ZNF304: variants seen among roughly 807,000 people sequenced by gnomAD.
ZNF304 encodes zinc finger protein 304.
In ZNF304, 7 loss-of-function variants were observed where a neutral mutation model predicts 7.8. That is an observed-to-expected ratio of 0.90 (90% CI 0.51 to 1.69). The LOEUF is 1.69. ZNF304 is among the 40% of genes most tolerant of loss of function. The probability of loss-of-function intolerance (pLI) is 0.00; values close to 1 mark genes in which losing one functional copy is unlikely to be tolerated. For missense variants in ZNF304, 669 were observed against 804.8 expected (o/e 0.83, Z 2.04); for synonymous variants, 280 against 272.4 (o/e 1.03, Z -0.27).
At position 57,353,770 on chromosome 19, in the gene ZNF304, G is replaced by A; in HGVS notation, c.79G>A (p.Glu27Lys). 1.2e-6 allele frequency: 2 copies of A among 1,613,772 alleles called. No individual in the cohort carries two copies. The highest frequency in any genetic ancestry group is 1.7e-6 in the Non-Finnish European group (2 of 1,179,830). Residue 27 changes from glutamate (E) to lysine (K), a missense_variant, in exon 2 of 3, where the codon GAG becomes AAG. Coordinates refer to ENST00000282286, the MANE Select transcript of ZNF304 (RefSeq NM_020657.4). ...EDVFVYFSRE[E>K]WELLEEAQRF... The stretch of plus-strand genomic sequence containing the variant: ...TGTGTTCGTGTACTTCTCTCGGGAG[G>A]AGTGGGAACTCCTTGAGGAGGCACA...
Position 57,357,123 on chromosome 19 carries a change from C to A in ZNF304, c.1254C>A (p.Pro418=), listed in dbSNP as rs751314121. 6.2e-7 allele frequency: 1 copy of A among 1,612,738 alleles called. No homozygotes were observed. The highest frequency in any genetic ancestry group is 8.5e-7 in the Non-Finnish European group (1 of 1,179,352). The change falls in exon 3 of 3, where the codon CCC becomes CCA. Residue 418 remains proline (P), a synonymous_variant. Coordinates refer to ENST00000282286, the MANE Select transcript of ZNF304 (RefSeq NM_020657.4). ...GGAGAATTCATACCGGGGCAAGGCC[C>A]TATGAATGCATAGAATGTGGAAAAT... ...EHWRIHTGAR[P]YECIECGKFF...
rs764821717 is a variant in ZNF304 at position 57,351,748 on chromosome 19, G to C, written c.33+51G>C. ...ACCCCGGCCTGGTTGGTGTGTCCTG[G>C]GATGTTCGCTCTCATCGCGCACTTC... On this transcript the variant is annotated intron_variant, in intron 1 of 2. Coordinates refer to ENST00000282286, the MANE Select transcript of ZNF304 (RefSeq NM_020657.4). This position sits in a 1 kb window ranked among gnomAD's most constrained non-coding sequence, Gnocchi z 4.1. The C allele has an allele frequency of 3.2e-6, 5 of 1,566,698 alleles. No individual in the cohort carries two copies. In the South Asian group the frequency reaches 5.8e-5, roughly 18 times the overall value.
In ZNF304 at chr19:57,351,782, C is replaced by A; in HGVS notation, c.33+85C>A. ...CTCTCATCGCGCACTTCAGGGTGCT[C>A]ACTCCGTCGCATTATGTGGAGGGGT... On this transcript the variant is annotated intron_variant, in intron 1 of 2. Coordinates refer to ENST00000282286, the MANE Select transcript of ZNF304 (RefSeq NM_020657.4). The surrounding 1 kb of genome is among the most constrained non-coding windows in gnomAD (Gnocchi z 4.1). The A allele has an allele frequency of 7.0e-7, 1 of 1,432,356 alleles. No homozygotes were observed. The highest frequency in any genetic ancestry group is 1.3e-5 in the South Asian group (1 of 76,912). The allele number at this position is 1,432,356 out of a possible 1,614,324, so 88.7% of individuals were successfully genotyped here.
chr19:57,357,939 C>G lies in ZNF304; in HGVS notation c.*90C>G, dbSNP rs2088370081. Reference sequence around the variant, plus strand: ...TCATAGGACTCACACCAGAGCAATGCTCTGTGAGTACCCTTTGTGAGGGAA... The same window carrying G: ...TCATAGGACTCACACCAGAGCAATGGTCTGTGAGTACCCTTTGTGAGGGAA... On this transcript the variant is annotated 3_prime_UTR_variant, in exon 3 of 3. Transcript: ENST00000282286. 12 of 1,465,376 alleles carry G rather than the reference C, an allele frequency of 8.2e-6. No individual in the cohort carries two copies. Among genetic ancestry groups the G allele is most frequent in the Non-Finnish European group, 1.1e-5 (12 of 1,093,486 alleles). 90.8% of individuals were successfully genotyped at this position (1,465,376 alleles called of 1,614,324 possible).
In ZNF304 at chr19:57,357,259, C is replaced by T. The variant is rs2088356879; in HGVS notation, c.1390C>T (p.Gln464Ter). Residue 464 changes from glutamine (Q) to a stop codon, truncating the protein, a stop_gained, in exon 3 of 3, where the codon CAG becomes TAG. Coordinates refer to ENST00000282286, the MANE Select transcript of ZNF304 (RefSeq NM_020657.4). LOFTEE classifies it low-confidence loss of function (END_TRUNC). ...KAFGCKDTLV[Q>*]HQIIHTGARP... ...CTTTGGCTGCAAAGACACACTTGTTCAGCACCAGATAATTCACACTGGAGC... is the reference window on the plus strand; with the variant it reads ...CTTTGGCTGCAAAGACACACTTGTTTAGCACCAGATAATTCACACTGGAGC... 3 of 1,613,992 alleles carry T rather than the reference C, an allele frequency of 1.9e-6. No homozygotes were observed. Among genetic ancestry groups the T allele is most frequent in the Non-Finnish European group, 2.5e-6 (3 of 1,180,030 alleles).
In ZNF304 at chr19:57,356,363, G is replaced by T. The variant is rs1221701026; in HGVS notation, c.494G>T (p.Arg165Ile). ...AGCTGTACAGTCCACATGTTAGGGA[G>T]ATCCTTTACGTGCAGGGAGGAAGGG... Reference protein sequence around the residue: ...VKSCTVHMLGRSFTCREEGMD... With the variant: ...VKSCTVHMLGISFTCREEGMD... Residue 165 changes from arginine to isoleucine, a missense_variant, in exon 3 of 3, where the codon AGA (arginine) becomes ATA (isoleucine). Physicochemically the swap from Arg to Ile is moderately conservative, Grantham distance 97. Coordinates refer to ENST00000282286, the MANE Select transcript of ZNF304 (RefSeq NM_020657.4). The T allele has an allele frequency of 1.9e-6, 3 of 1,614,104 alleles. No individual in the cohort carries two copies. Among genetic ancestry groups the T allele is most frequent in the Non-Finnish European group, 2.5e-6 (3 of 1,180,036 alleles).
In ZNF304 at chr19:57,351,890, G is replaced by C. The variant is rs889683046; in HGVS notation, c.33+193G>C. The C allele has an allele frequency of 5.2e-6, 3 of 578,600 alleles. No individual in the cohort carries two copies. The highest frequency in any genetic ancestry group is 8.9e-6 in the Non-Finnish European group (3 of 337,040). The allele number at this position is 578,600 out of a possible 1,614,324, so 35.8% of individuals were successfully genotyped here. On this transcript the variant is annotated intron_variant, in intron 1 of 2. Transcript: ENST00000282286. The surrounding 1 kb of genome is among the most constrained non-coding windows in gnomAD (Gnocchi z 4.1). ...TTCGTACAAATGCATGCATGGAGAGGAGAATGAGTTTGGGGAGTTCCGGGA... is the reference window on the plus strand; with the variant it reads ...TTCGTACAAATGCATGCATGGAGAGCAGAATGAGTTTGGGGAGTTCCGGGA...
chr19:57,354,143 G>A (rs2088308639), intron 2 of ZNF304, among the ~76,000 whole-genome samples: 1 of 151,996 alleles, frequency 6.6e-6, no homozygotes, highest in Admixed American at 6.5e-5. Flanking sequence ...CTGAGTAGCT[G>A]GGACTATAGG....
chr19:57,358,028 A>G lies in ZNF304; in HGVS notation c.*179A>G, dbSNP rs188064555. The G allele has an allele frequency of 2.7e-6, 2 of 732,430 alleles. No homozygotes were observed. The highest frequency in any genetic ancestry group is 2.7e-5 in the East Asian group (1 of 36,800). 45.4% of individuals were successfully genotyped at this position (732,430 alleles called of 1,614,324 possible). A position where few individuals can be genotyped will look rare whatever the true frequency, so the allele number is the denominator to read the frequency against. ...CCTGGGGAGATTCCTGATAAGCACC[A>G]CATATGTGGGAGGCTTTCATGAGGT... On this transcript the variant is annotated 3_prime_UTR_variant, in exon 3 of 3. Coordinates refer to ENST00000282286, the MANE Select transcript of ZNF304 (RefSeq NM_020657.4).
At chr19:57,354,035 GTC>G (rs2088307402) in intron 2 of ZNF304, among the ~76,000 whole-genome samples, 184 bp downstream of exon 2, 1 of 151,212 alleles carries the variant, frequency 6.6e-6, no homozygotes, top group African/African-American at 2.4e-5. Context: ...TTTTCAGAGA[GTC>G]TTACTCTGTC....
In ZNF304 at chr19:57,358,004, C is replaced by A; in HGVS notation, c.*155C>A. ...ATGAGCACCGTATATTCATTCCACC[C>A]TGGGGAGATTCCTGATAAGCACCAC... On this transcript the variant is annotated 3_prime_UTR_variant, in exon 3 of 3. Transcript: ENST00000282286. The A allele has an allele frequency of 1.1e-6, 1 of 930,442 alleles. No homozygotes were observed. The highest frequency in any genetic ancestry group is 1.6e-6 in the Non-Finnish European group (1 of 630,958). The allele number at this position is 930,442 out of a possible 1,614,324, so 57.6% of individuals were successfully genotyped here.
At position 57,356,533 on chromosome 19, in the gene ZNF304, C is replaced by G. The variant is rs764291028; in HGVS notation, c.664C>G (p.Leu222Val). 1 of 1,614,202 alleles carries G rather than the reference C, an allele frequency of 6.2e-7. No individual in the cohort carries two copies. The highest frequency in any genetic ancestry group is 8.5e-7 in the Non-Finnish European group (1 of 1,180,030). Residue 222 changes from leucine to valine, a missense_variant, in exon 3 of 3, where the codon CTT becomes GTT. Physicochemically the swap from Leu to Val is conservative, Grantham distance 32 (BLOSUM62 1). Coordinates refer to ENST00000282286, the MANE Select transcript of ZNF304 (RefSeq NM_020657.4). ...CCAAGGAGACTATGATGGACAGATG[C>G]TTTTCAGTTGCGGTGATGAAGGGAA... ...QHQGDYDGQM[L>V]FSCGDEGKAF...
chr19:57,353,352 G>A (rs1403674617), intron 1 of ZNF304, among the ~76,000 whole-genome samples: 2 of 152,158 alleles, frequency 1.3e-5, no homozygotes, highest in East Asian at 3.9e-4. Flanking sequence ...GTGAACTGAT[G>A]CCCTTAAGAC....
rs1380538685 is a variant in ZNF304 at position 57,356,614 on chromosome 19, A to G, written c.745A>G (p.Arg249Gly). 1 of 1,614,110 alleles carries G rather than the reference A, an allele frequency of 6.2e-7. No homozygotes were observed. Among genetic ancestry groups the G allele is most frequent in the African/African-American group, 1.3e-5 (1 of 74,942 alleles). ...LDSQMTHAEV[R>G]PFRCLPCGNV... The stretch of plus-strand genomic sequence containing the variant: ...CAGCCAGATGACTCATGCTGAGGTG[A>G]GACCCTTCAGATGCCTACCATGTGG... Residue 249 changes from arginine to glycine, a missense_variant, in exon 3 of 3, where the codon AGA becomes GGA. Arg to Gly is a moderately radical substitution (Grantham distance 125). Transcript: ENST00000282286.
At chr19:57,355,890 C>A in intron 2 of ZNF304, 140 bp from the exon 3 acceptor site, 3 of 942,752 alleles carry the variant, frequency 3.2e-6, no homozygotes, top group Non-Finnish European at 4.8e-6. Context: ...GACAACCAGC[C>A]CTTCTTTACA....
In ZNF304 at chr19:57,355,254, CT is replaced by C. The variant is rs774794869; in HGVS notation, c.161-773del. 6.5e-6 allele frequency: 5 copies of C among 764,866 alleles called. No homozygotes were observed. The African/African-American group carries it at 8.5e-5, about 13-fold the overall frequency. 47.4% of individuals were successfully genotyped at this position (764,866 alleles called of 1,614,324 possible). A position where few individuals can be genotyped will look rare whatever the true frequency, so the allele number is the denominator to read the frequency against. ...GGTCTACCTGCGCCACTCACCTGCC[CT>C]TTGTTTGCGTTACAGCTTTCATTTT... is the stretch of plus-strand genomic sequence containing the variant. On this transcript the variant is annotated intron_variant, in intron 2 of 2. Coordinates refer to ENST00000282286, the MANE Select transcript of ZNF304 (RefSeq NM_020657.4).
In ZNF304 at chr19:57,357,483, A is replaced by T. The variant is rs1461466467; in HGVS notation, c.1614A>T (p.Lys538Asn). 6.2e-7 allele frequency: 1 copy of T among 1,613,110 alleles called. No homozygotes were observed. Among genetic ancestry groups the T allele is most frequent in the Non-Finnish European group, 8.5e-7 (1 of 1,179,558 alleles). The change falls in exon 3 of 3, where the codon AAA (lysine) becomes AAT (asparagine). Residue 538 changes from lysine to asparagine, a missense_variant. By Grantham distance (94) the Lys-to-Asn change is moderately conservative (BLOSUM62 0). Transcript: ENST00000282286. ...CTTATGAGTGCAATGAATGTGGGAA[A>T]TGCTTTAGCCACAACTCCAGCCTCA... The part of the protein sequence containing the change: ...AKPYECNECG[K>N]CFSHNSSLIL...
Position 57,358,024 on chromosome 19 carries a change from C to A in ZNF304, c.*175C>A. ...CCACCCTGGGGAGATTCCTGATAAGCACCACATATGTGGGAGGCTTTCATG... is the reference window on the plus strand; with the variant it reads ...CCACCCTGGGGAGATTCCTGATAAGAACCACATATGTGGGAGGCTTTCATG... On this transcript the variant is annotated 3_prime_UTR_variant, in exon 3 of 3. Transcript: ENST00000282286. 1 of 759,240 alleles carries A rather than the reference C, an allele frequency of 1.3e-6. No individual in the cohort carries two copies. The highest frequency in any genetic ancestry group is 2.7e-5 in the East Asian group (1 of 37,218). The allele number at this position is 759,240 out of a possible 1,614,324, so 47.0% of individuals were successfully genotyped here.
Position 57,357,706 on chromosome 19 carries a change from A to G in ZNF304, c.1837A>G (p.Lys613Glu), listed in dbSNP as rs1206204559. 5 of 1,614,128 alleles carry G rather than the reference A, an allele frequency of 3.1e-6. No homozygotes were observed. The highest frequency in any genetic ancestry group is 4.2e-6 in the Non-Finnish European group (5 of 1,180,056). ...ILHQRVHTGE[K>E]PYVCSECGKA... The stretch of plus-strand genomic sequence containing the variant: ...GCACCAGAGGGTTCACACTGGAGAA[A>G]AGCCTTACGTATGCAGCGAATGTGG... Residue 613 changes from lysine (K) to glutamate (E), a missense_variant, in exon 3 of 3, where the codon AAG becomes GAG. Physicochemically the swap from Lys to Glu is moderately conservative, Grantham distance 56. Coordinates refer to ENST00000282286, the MANE Select transcript of ZNF304 (RefSeq NM_020657.4).
Sources: gnomAD v4.1 joint callset for allele counts (sites outside exome capture counted in the v4.1 genomes callset) on GRCh38, gnomAD v4.1.1 for gene constraint, Gnocchi (gnomAD v3.1) non-coding constraint, MANE v1.5 for transcripts, NCBI Gene and HGNC (gene_info 2026-07-23, HGNC 2026-07-21) for gene names.